Variants in DOK5 observed in about 807,000 individuals in gnomAD.
DOK5 encodes downstream of tyrosine kinase 5.
DOK5 carries 27 observed loss-of-function variants against 43.3 expected under a neutral mutation model. That is an observed-to-expected ratio of 0.62 (90% CI 0.46 to 0.86). The LOEUF (loss-of-function observed/expected upper bound fraction) is 0.86. Ranked by LOEUF, DOK5 falls within the 40% of genes least tolerant of loss-of-function variation. The pLI, the probability that DOK5 is intolerant of heterozygous loss-of-function variation, is 0.00. For synonymous variants in DOK5, 146 were observed against 140.1 expected (o/e 1.04, Z -0.30); for missense variants, 373 against 392.9 (o/e 0.95, Z 0.43).
At chr20:54,517,761 T>G (rs761812188) in intron 1 of DOK5, among the ~76,000 whole-genome samples, 3 of 152,142 alleles carry the variant, frequency 2.0e-5, no homozygotes, top group Non-Finnish European at 4.4e-5. Context: ...GATGAAGTCA[T>G]GAATCACAAA....
intron 5 of DOK5, among the ~76,000 whole-genome samples, chr20:54,605,488 C>A (rs1986442803): frequency 6.6e-6 from 1 of 152,212 alleles, no homozygotes; most frequent in African/African-American, 2.4e-5. Flanking sequence ...GGCTACCCCT[C>A]TTCCCACCAC....
At position 54,543,513 on chromosome 20, in the gene DOK5, T is replaced by C. The variant is rs530423475; in HGVS notation, c.67-11420T>C. ...TTGCTACAGAAAGCCCAATTTTCCA[T>C]TGAAGTGCAGATTATTCCCTAGAAT... On this transcript the variant is annotated intron_variant, in intron 1 of 7. Coordinates refer to ENST00000262593, the MANE Select transcript of DOK5 (RefSeq NM_018431.5). Among the ~76,000 whole-genome samples the C allele has an allele frequency of 1.6e-4, 25 of 151,756 alleles. No individual in the cohort carries two copies. In the South Asian group the frequency reaches 4.8e-3, roughly 29 times the overall value.
At chr20:54,603,334 G>A (rs1220628208) in intron 5 of DOK5, among the ~76,000 whole-genome samples, 1 of 152,238 alleles carries the variant, frequency 6.6e-6, no homozygotes, top group Non-Finnish European at 1.5e-5. Context: ...GGCACTAGGA[G>A]AATAGACTGC....
Position 54,588,473 on chromosome 20 carries a change from T to A in DOK5, c.175-10T>A. 1.2e-6 allele frequency: 2 copies of A among 1,612,224 alleles called. No homozygotes were observed. Among genetic ancestry groups the A allele is most frequent in the Non-Finnish European group, 1.7e-6 (2 of 1,178,226 alleles). ...GGGAGTGTGTCAAACTTCTAATTGT[T>A]CATTTTCAGGTTACAGAACTCAATA... On this transcript the variant is annotated splice_polypyrimidine_tract_variant and intron_variant, in intron 2 of 7. Coordinates refer to ENST00000262593, the MANE Select transcript of DOK5 (RefSeq NM_018431.5).
At chr20:54,539,053 C>T (rs185139559) in intron 1 of DOK5, among the ~76,000 whole-genome samples, 187 of 152,160 alleles carry the variant, frequency 1.2e-3, no homozygotes, top group African/African-American at 3.9e-3. Context: ...GAGGCCAAGG[C>T]GGGCAGATCA....
intron 1 of DOK5, among the ~76,000 whole-genome samples, chr20:54,521,719 C>T (rs922569896): frequency 3.9e-5 from 6 of 152,102 alleles, no homozygotes; most frequent in African/African-American, 1.4e-4. Context: ...GTGATTAGCT[C>T]TATCTTTAGC....
rs117820461 is a variant in DOK5, at chr20:54,647,781, A to G, written c.857-2634A>G. On this transcript the variant is annotated intron_variant, in intron 7 of 7. Coordinates refer to ENST00000262593, the MANE Select transcript of DOK5 (RefSeq NM_018431.5). ...AGTCAGAAAACAAATCAATAATTTC[A>G]GGGCTCTGAGATGCCCTGCAATGAA... 5.3e-5 allele frequency among the ~76,000 whole-genome samples: 8 copies of G among 152,348 alleles called. No individual in the cohort carries two copies. The East Asian group carries it at 1.2e-3, about 22-fold the overall frequency.
chr20:54,572,939 A>T (rs1237543103), intron 2 of DOK5, among the ~76,000 whole-genome samples: 1 of 152,182 alleles, frequency 6.6e-6, no homozygotes, highest in Non-Finnish European at 1.5e-5. Context: ...TTTAACAAGC[A>T]CCTACTGAGG....
intron 1 of DOK5, among the ~76,000 whole-genome samples, chr20:54,535,139 G>T (rs1983917294): frequency 6.6e-6 from 1 of 152,110 alleles, no homozygotes; most frequent in South Asian, 2.1e-4. Flanking sequence ...CCGAAAACAT[G>T]TTTCTTTCCT....
chr20:54,619,067 A>ATATG, intron 6 of DOK5, among the ~76,000 whole-genome samples: 1 of 123,522 alleles, frequency 8.1e-6, no homozygotes, highest in South Asian at 2.6e-4. Context: ...ATATATATAT[A>ATATG]TATATATGAA....
intron 6 of DOK5, among the ~76,000 whole-genome samples, chr20:54,614,114 T>C (rs1357261535): frequency 6.6e-6 from 1 of 151,944 alleles, no homozygotes; most frequent in Admixed American, 6.6e-5. Flanking sequence ...ATCAGCTTGA[T>C]GCTCAGTCTG....
At chr20:54,624,591 A>G (rs1173932545) in intron 6 of DOK5, among the ~76,000 whole-genome samples, 1 of 152,226 alleles carries the variant, frequency 6.6e-6, no homozygotes, top group African/African-American at 2.4e-5. Context: ...GTTCCAGGCA[A>G]GTCTGCTTTA....
chr20:54,585,174 G>T (rs919947121), intron 2 of DOK5, among the ~76,000 whole-genome samples: 1 of 152,092 alleles, frequency 6.6e-6, no homozygotes, highest in African/African-American at 2.4e-5. Flanking sequence ...TGTTGTGTGT[G>T]TGTGTGCACA....
chr20:54,559,576 A>C (rs1347275279), intron 2 of DOK5, among the ~76,000 whole-genome samples: 1 of 152,242 alleles, frequency 6.6e-6, no homozygotes, highest in Non-Finnish European at 1.5e-5. Context: ...TGGCAACTGC[A>C]ACGTTTATGG....
intron 6 of DOK5, among the ~76,000 whole-genome samples, chr20:54,623,529 T>G (rs1039526784): frequency 1.3e-5 from 2 of 152,166 alleles, no homozygotes; most frequent in African/African-American, 4.8e-5. Flanking sequence ...AGACGAGGCA[T>G]AGTAAGATTC....
intron 1 of DOK5, among the ~76,000 whole-genome samples, chr20:54,522,170 G>A (rs1361102355): frequency 6.6e-6 from 1 of 152,020 alleles, no homozygotes; most frequent in Non-Finnish European, 1.5e-5. Flanking sequence ...ATTGTCTTGG[G>A]CCACACCTAA....
intron 1 of DOK5, among the ~76,000 whole-genome samples, chr20:54,481,962 T>A (rs1450417956): frequency 6.6e-6 from 1 of 152,216 alleles, no homozygotes; most frequent in East Asian, 1.9e-4. Flanking sequence ...ACTTCCAGTG[T>A]GGTTAGAGAC....
intron 1 of DOK5, among the ~76,000 whole-genome samples, chr20:54,531,334 T>G (rs6098049): frequency 0.024 from 3,697 of 152,248 alleles, 147 homozygotes; most frequent in African/African-American, 0.084. Flanking sequence ...GACTAAAGCG[T>G]CAAGAACCTA....
chr20:54,476,952 G>A (rs1284399158), intron 1 of DOK5, among the ~76,000 whole-genome samples: 1 of 151,494 alleles, frequency 6.6e-6, no homozygotes, highest in Non-Finnish European at 1.5e-5. Flanking sequence ...TTTCAAACTA[G>A]GTCCCTCATT....
Sources: allele counts gnomAD v4.1 joint callset (sites outside exome capture counted in the v4.1 genomes callset), GRCh38; gene constraint gnomAD v4.1.1; transcripts MANE v1.5; gene names NCBI Gene and HGNC (gene_info 2026-07-23, HGNC 2026-07-21).